Variants in CLNK observed in about 807,000 individuals in gnomAD.
CLNK encodes cytokine-dependent hematopoietic cell linker.
In CLNK, 74 loss-of-function variants were observed where a neutral mutation model predicts 68.6. That is an observed-to-expected ratio of 1.08 (90% CI 0.89 to 1.31). CLNK has a LOEUF of 1.31. Ranked by LOEUF, CLNK falls within the 50% of genes most tolerant of loss-of-function variation. CLNK has a pLI of 0.00. For synonymous variants in CLNK, 198 were observed against 172.2 expected, an observed-to-expected ratio of 1.15 and a Z score of -1.17; for missense variants, 553 against 515.3, an observed-to-expected ratio of 1.07 and a Z score of -0.71.
the CLNK span, among the ~76,000 whole-genome samples, chr4:10,708,550 A>C: frequency 1.3e-5 from 2 of 152,228 alleles, no homozygotes; most frequent in African/African-American, 4.8e-5. Flanking sequence ...GAGCACCCAC[A>C]GAAATAAGCA....
intron 15 of CLNK, among the ~76,000 whole-genome samples, chr4:10,518,043 A>T (rs1393764841): frequency 6.6e-6 from 1 of 151,998 alleles, no homozygotes; most frequent in Non-Finnish European, 1.5e-5. Flanking sequence ...ATTACATTCA[A>T]GTTTTATAAC....
chr4:10,541,553 A>G (rs1453068535), intron 10 of CLNK, among the ~76,000 whole-genome samples: 1 of 151,750 alleles, frequency 6.6e-6, no homozygotes, highest in Non-Finnish European at 1.5e-5. Context: ...ATAGAGATGT[A>G]TAAATGTAAT....
the CLNK span, among the ~76,000 whole-genome samples, chr4:10,724,482 G>GTTTTT: frequency 3.0e-3 from 444 of 146,400 alleles, no homozygotes; most frequent in Admixed American, 4.8e-3. Context: ...TTTTTAGTTA[G>GTTTTT]TTTTTTTTTT....
At chr4:10,667,175 C>G (rs1404930845) in intron 2 of CLNK, among the ~76,000 whole-genome samples, 1 of 152,200 alleles carries the variant, frequency 6.6e-6, no homozygotes, top group Non-Finnish European at 1.5e-5. Flanking sequence ...CTACCTAACT[C>G]TGAAACTCCT....
intron 7 of CLNK, among the ~76,000 whole-genome samples, chr4:10,561,790 G>C (rs889924515): frequency 6.6e-6 from 1 of 152,190 alleles, no homozygotes; most frequent in Admixed American, 6.5e-5. Flanking sequence ...GAATTTTGAA[G>C]GCCAGACCGA....
At chr4:10,666,723 C>G (rs192295919) in intron 2 of CLNK, among the ~76,000 whole-genome samples, 5 of 152,344 alleles carry the variant, frequency 3.3e-5, no homozygotes, top group Middle Eastern at 3.4e-3. Flanking sequence ...TAGCTTAATT[C>G]TCACTCGGGT....
intron 2 of CLNK, among the ~76,000 whole-genome samples, chr4:10,627,731 C>G (rs185149909): frequency 6.6e-6 from 1 of 152,282 alleles, no homozygotes; most frequent in African/African-American, 2.4e-5. Flanking sequence ...CTTTGACTGA[C>G]AGGAGCCACA....
intron 3 of CLNK, among the ~76,000 whole-genome samples, chr4:10,595,012 G>A (rs559143728): frequency 2.0e-5 from 3 of 151,968 alleles, no homozygotes; most frequent in South Asian, 2.1e-4. Context: ...CAGGAGAATC[G>A]TTTGAACCTG....
chr4:10,611,507 A>AAAAG (rs1553857358), intron 2 of CLNK, among the ~76,000 whole-genome samples: 1 of 151,390 alleles, frequency 6.6e-6, no homozygotes, highest in Non-Finnish European at 1.5e-5. Flanking sequence ...AAAAAAAAAA[A>AAAAG]AAAATGTAGT....
Position 10,573,940 on chromosome 4 carries a change from C to T in CLNK, c.113-2162G>A, listed in dbSNP as rs146140049. 2.6e-5 allele frequency among the ~76,000 whole-genome samples: 4 copies of T among 152,284 alleles called. No individual in the cohort carries two copies. The East Asian group carries it at 7.7e-4, about 29-fold the overall frequency. On this transcript the variant is annotated intron_variant, in intron 4 of 18. Coordinates refer to ENST00000226951, the MANE Select transcript of CLNK (RefSeq NM_052964.4). ...ATTTCTCTGCTTTTCTCTCTGACTA[C>T]TCCAGGCCACATCAATCTCACTGAA...
intron 2 of CLNK, among the ~76,000 whole-genome samples, chr4:10,652,964 G>C (rs1350331578): frequency 1.3e-5 from 2 of 152,064 alleles, no homozygotes; most frequent in African/African-American, 4.8e-5. Flanking sequence ...ATGATAGACT[G>C]GATAACGAAA....
At chr4:10,660,151 T>C (rs1345531392) in intron 2 of CLNK, among the ~76,000 whole-genome samples, 1 of 152,256 alleles carries the variant, frequency 6.6e-6, no homozygotes, top group Non-Finnish European at 1.5e-5. Flanking sequence ...TCACAATATT[T>C]CCTAGGATGA....
chr4:10,544,735 T>C (rs11939512), intron 8 of CLNK, among the ~76,000 whole-genome samples: 8,156 of 152,242 alleles, frequency 0.054, 448 homozygotes, highest in East Asian at 0.13. Flanking sequence ...TAAAACAGAA[T>C]ACTTGAAATT....
intron 2 of CLNK, among the ~76,000 whole-genome samples, chr4:10,650,932 T>C (rs531726622): frequency 2.0e-5 from 3 of 152,058 alleles, no homozygotes; most frequent in East Asian, 3.9e-4. Context: ...ATTTATGCGG[T>C]CAACAAACAT....
At chr4:10,731,819 A>C in the CLNK span, among the ~76,000 whole-genome samples, 1 of 152,244 alleles carries the variant, frequency 6.6e-6, no homozygotes, top group Non-Finnish European at 1.5e-5. Context: ...TTTGCAAGAA[A>C]GGAATTCAGT....
At chr4:10,571,869 T>A in intron 4 of CLNK, 91 bp from the exon 5 acceptor site, 1 of 991,538 alleles carries the variant, frequency 1.0e-6, no homozygotes, top group South Asian at 1.4e-5. Context: ...TCCAGAAATC[T>A]TTTGTCAGTT....
the CLNK span, among the ~76,000 whole-genome samples, chr4:10,701,630 T>G: frequency 6.6e-6 from 1 of 152,072 alleles, no homozygotes; most frequent in South Asian, 2.1e-4. Flanking sequence ...TAAGAAACAC[T>G]TAAACAGTGC....
chr4:10,608,036 C>A (rs1721853175), intron 2 of CLNK, among the ~76,000 whole-genome samples: 1 of 151,996 alleles, frequency 6.6e-6, no homozygotes, highest in South Asian at 2.1e-4. Flanking sequence ...AGAAGAGTCC[C>A]AAAAAATCCA....
At chr4:10,629,392 A>G (rs1345811428) in intron 2 of CLNK, among the ~76,000 whole-genome samples, 1 of 152,178 alleles carries the variant, frequency 6.6e-6, no homozygotes, top group East Asian at 1.9e-4. Flanking sequence ...TTTCAGGAAG[A>G]GAGGGGAGGC....
Sources: gnomAD v4.1 joint callset for allele counts (sites outside exome capture counted in the v4.1 genomes callset) on GRCh38, gnomAD v4.1.1 for gene constraint, MANE v1.5 for transcripts, NCBI Gene and HGNC (gene_info 2026-07-23, HGNC 2026-07-21) for gene names.